Variants in ABI2 observed in about 807,000 individuals in gnomAD.
ABI2 encodes abl interactor 2, also known as abelson interactor 2.
Under a neutral mutation model 59.2 loss-of-function variants are expected in ABI2, and 25 were observed. That is an observed-to-expected ratio of 0.42 (90% CI 0.31 to 0.59). The LOEUF is 0.59. Among genes scored for constraint, ABI2 ranks in the 20% least tolerant of loss-of-function variants. ABI2 has a pLI of 0.14. For synonymous variants in ABI2, 213 were observed against 235.5 expected (o/e 0.90, Z 0.87); for missense variants, 545 against 681.8 (o/e 0.80, Z 2.23).
intron 1 of ABI2, among the ~76,000 whole-genome samples, chr2:203,350,407 G>A (rs976991336): frequency 2.0e-5 from 3 of 151,984 alleles, no homozygotes; most frequent in Non-Finnish European, 2.9e-5. Flanking sequence ...GGAGTACAGC[G>A]GCATGATCAT....
intron 1 of ABI2, among the ~76,000 whole-genome samples, chr2:203,347,755 T>C (rs2084629227): frequency 6.6e-6 from 1 of 152,208 alleles, no homozygotes; most frequent in Admixed American, 6.5e-5. Context: ...TGGGAAATTG[T>C]AGGTGCTTGT....
intron 1 of ABI2, among the ~76,000 whole-genome samples, chr2:203,330,491 T>G (rs978513434): frequency 3.3e-5 from 5 of 151,930 alleles, no homozygotes; most frequent in Admixed American, 6.6e-5. Flanking sequence ...GGTACATACC[T>G]AGTAGGAGAG....
At chr2:203,369,910 GA>G (rs2094946911) in intron 2 of ABI2, among the ~76,000 whole-genome samples, 1 of 2,082 alleles carries the variant, frequency 4.8e-4, no homozygotes, top group Non-Finnish European at 8.9e-4. Context: ...CTCAAGGATT[GA>G]AATTTTTTTT....
intron 1 of ABI2, among the ~76,000 whole-genome samples, chr2:203,353,032 C>G (rs1341285787): frequency 6.6e-6 from 1 of 151,984 alleles, no homozygotes; most frequent in Non-Finnish European, 1.5e-5. Context: ...GCTCTTTCAT[C>G]TAGATTTGCG....
intron 2 of ABI2, among the ~76,000 whole-genome samples, chr2:203,372,403 C>T (rs1330765837): frequency 5.9e-5 from 9 of 152,240 alleles, no homozygotes; most frequent in African/African-American, 1.4e-4. Flanking sequence ...TTCCACAAAA[C>T]CGCCATTGTC....
chr2:203,372,939 C>T (rs577668294), intron 2 of ABI2, among the ~76,000 whole-genome samples: 11 of 151,850 alleles, frequency 7.2e-5, no homozygotes, highest in South Asian at 2.1e-4. Context: ...ACTTCCTAGA[C>T]GGGATGGCGG....
At chr2:203,333,062 G>A (rs922383502) in intron 1 of ABI2, among the ~76,000 whole-genome samples, 7 of 152,086 alleles carry the variant, frequency 4.6e-5, no homozygotes, top group African/African-American at 1.7e-4. Flanking sequence ...TACTCCCAGA[G>A]TTCACTAAAA....
intron 4 of ABI2, among the ~76,000 whole-genome samples, chr2:203,389,907 C>G (rs577046019): frequency 5.1e-4 from 78 of 152,300 alleles, no homozygotes; most frequent in Non-Finnish European, 9.6e-4. Flanking sequence ...CCTACACTTG[C>G]ATTTTCAGTT....
At chr2:203,387,392 A>G (rs2096572208) in intron 4 of ABI2, among the ~76,000 whole-genome samples, 1 of 152,220 alleles carries the variant, frequency 6.6e-6, no homozygotes, top group South Asian at 2.1e-4. Flanking sequence ...GTGTGGTGCC[A>G]GTTGTAGTGA....
At chr2:203,370,548 C>G (rs1354118052) in intron 2 of ABI2, among the ~76,000 whole-genome samples, 4 of 152,132 alleles carry the variant, frequency 2.6e-5, no homozygotes, top group African/African-American at 4.8e-5. Context: ...GGCAGCGGGC[C>G]ACATTCTGGC....
intron 1 of ABI2, among the ~76,000 whole-genome samples, chr2:203,333,407 T>A (rs935602031): frequency 2.0e-5 from 3 of 152,156 alleles, no homozygotes; most frequent in African/African-American, 7.2e-5. Context: ...TAAATGGATG[T>A]CATATACTAT....
Position 203,416,903 on chromosome 2 carries a change from C to G in ABI2, c.1280-5C>G. ...AGTTTTGTTGTCAGCCTGATACGTTCTTAGTTTCAGATACACCACCTCCAC... is the reference window on the plus strand; with the variant it reads ...AGTTTTGTTGTCAGCCTGATACGTTGTTAGTTTCAGATACACCACCTCCAC... On this transcript the variant is annotated splice_region_variant and splice_polypyrimidine_tract_variant and intron_variant, in intron 10 of 11. Coordinates refer to ENST00000261018, the MANE Select transcript of ABI2 (RefSeq NM_001375670.1). The G allele has an allele frequency of 6.2e-7, 1 of 1,607,296 alleles. No homozygotes were observed. The highest frequency in any genetic ancestry group is 8.5e-7 in the Non-Finnish European group (1 of 1,176,596).
intron 1 of ABI2, among the ~76,000 whole-genome samples, chr2:203,338,939 T>TATATATATATATATATATAA (rs1559153757): frequency 3.8e-3 from 19 of 5,016 alleles, no homozygotes; most frequent in South Asian, 0.014. Flanking sequence ...TATATGTATA[T>TATATATATATATATATATAA]ATATATATAT....
chr2:203,411,858 GTAACTAATTTTGT>G (rs1268085474), intron 10 of ABI2, among the ~76,000 whole-genome samples: 1 of 152,148 alleles, frequency 6.6e-6, no homozygotes, highest in Non-Finnish European at 1.5e-5. Flanking sequence ...GCCTGTTCAG[GTAACTAATTTTGT>G]TCATACCTTG....
rs2070519167 is a variant in ABI2, at chr2:203,328,894, C to T, written c.117+263C>T. The T allele has an allele frequency of 1.0e-5, 3 of 290,624 alleles. No homozygotes were observed. The East Asian group carries it at 1.8e-4, about 18-fold the overall frequency. 18.0% of individuals were successfully genotyped at this position (290,624 alleles called of 1,614,324 possible). A position where few individuals can be genotyped will look rare whatever the true frequency, so the allele number is the denominator to read the frequency against. On this transcript the variant is annotated intron_variant, in intron 1 of 11. Coordinates refer to ENST00000261018, the MANE Select transcript of ABI2 (RefSeq NM_001375670.1). ...GTCCCGCCTCCTCGCCGCTCCCGCC[C>T]TCGGCCGCCCCCGCACTCCGCGCCG...
chr2:203,356,415 C>T lies in ABI2; in HGVS notation c.118-10462C>T, dbSNP rs560765869. On this transcript the variant is annotated intron_variant, in intron 1 of 11. Coordinates refer to ENST00000261018, the MANE Select transcript of ABI2 (RefSeq NM_001375670.1). ...ACAGAGTCTCGCTCTGTTGCCCAGG[C>T]TGGAGTGCATTGGCGTGATCTTGGC... 4.6e-5 allele frequency among the ~76,000 whole-genome samples: 7 copies of T among 152,276 alleles called. No individual in the cohort carries two copies. The South Asian group carries it at 1.5e-3, about 32-fold the overall frequency.
intron 11 of ABI2, among the ~76,000 whole-genome samples, chr2:203,421,873 A>AG (rs1298400045): frequency 6.6e-6 from 1 of 151,344 alleles, no homozygotes; most frequent in Non-Finnish European, 1.5e-5. Flanking sequence ...CTGAGGCAGG[A>AG]GAATCACTTG....
chr2:203,345,950 C>G (rs1340569890), intron 1 of ABI2, among the ~76,000 whole-genome samples: 1 of 151,712 alleles, frequency 6.6e-6, no homozygotes, highest in Admixed American at 6.6e-5. Context: ...GAGGCCGAGG[C>G]GGGCAAATCA....
intron 2 of ABI2, chr2:203,375,845 A>G (rs2095642172): frequency 2.8e-6 from 1 of 362,400 alleles, no homozygotes; most frequent in African/African-American, 2.1e-5. Flanking sequence ...TTGTTTATGA[A>G]ATAGATTTAG....
Sources: allele counts gnomAD v4.1 joint callset (sites outside exome capture counted in the v4.1 genomes callset), GRCh38; gene constraint gnomAD v4.1.1; transcripts MANE v1.5; gene names NCBI Gene and HGNC (gene_info 2026-07-23, HGNC 2026-07-21).